ARHGAP30: variants seen among roughly 807,000 people sequenced by gnomAD.
The protein encoded by ARHGAP30 is rho GTPase-activating protein 30.
ARHGAP30 carries 23 observed loss-of-function variants against 72.0 expected under a neutral mutation model. The observed-to-expected ratio is 0.32, with a 90% CI of 0.23 to 0.45. ARHGAP30 has a LOEUF of 0.45. Ranked by LOEUF, ARHGAP30 falls within the 20% of genes least tolerant of loss-of-function variation. The pLI is 1.00. For missense variants in ARHGAP30, 1,319 were observed against 1,383.4 expected (o/e 0.95, Z 0.74); for synonymous variants, 576 against 528.2 (o/e 1.09, Z -1.24).
chr1:161,066,644 CAAAAAAAAAAAAAA>C (rs60662116), intron 1 of ARHGAP30, among the ~76,000 whole-genome samples: 2 of 75,084 alleles, frequency 2.7e-5, no homozygotes, highest in South Asian at 5.4e-4. Flanking sequence ...GACTGCATCT[CAAAAAAAAAAAAAA>C]AAAAAAAAAA....
chr1:161,062,987 T>C (rs1230581230), intron 1 of ARHGAP30, among the ~76,000 whole-genome samples: 1 of 152,072 alleles, frequency 6.6e-6, no homozygotes, highest in Non-Finnish European at 1.5e-5. Context: ...GCTAATTTTG[T>C]ATTTTTAGTA....
chr1:161,047,825 GA>G lies in ARHGAP30; in HGVS notation c.3195del (p.Ser1067ValfsTer37). On this transcript the variant is annotated frameshift_variant, in exon 12 of 12. Transcript: ENST00000368013. LOFTEE classifies it high-confidence loss of function. ...EGAEGSGSRS[R>X]LSLPPREPQV... ...TGGGGTTCTCTGGGGGGCAGACTAAGACGACTCCGGGATCCAGACCCTTCTG... is the reference window on the plus strand; with the variant it reads ...TGGGGTTCTCTGGGGGGCAGACTAAGCGACTCCGGGATCCAGACCCTTCTG... 4 of 1,610,446 alleles carry G rather than the reference GA, an allele frequency of 2.5e-6. No homozygotes were observed. Among genetic ancestry groups the G allele is most frequent in the Non-Finnish European group, 3.4e-6 (4 of 1,178,576 alleles).
intron 1 of ARHGAP30, among the ~76,000 whole-genome samples, chr1:161,064,202 T>C (rs1652522868): frequency 6.6e-6 from 1 of 152,250 alleles, no homozygotes; most frequent in African/African-American, 2.4e-5. Flanking sequence ...ATGTGTGATG[T>C]CTCCCCTGGA....
chr1:161,052,510 C>T lies in ARHGAP30; in HGVS notation c.870G>A (p.Arg290=), dbSNP rs1435967607. 4 of 1,613,860 alleles carry T rather than the reference C, an allele frequency of 2.5e-6. No individual in the cohort carries two copies. Among genetic ancestry groups the T allele is most frequent in the Non-Finnish European group, 3.4e-6 (4 of 1,180,024 alleles). The part of the protein sequence containing the change: ...RKGSLKVRKW[R]SIFNLGRSGH... Reference sequence around the variant, plus strand: ...CAGAGCGACCTAAATTGAAGATAGACCTCCACTTCCTGACCTTCAAAGACC... The same window carrying T: ...CAGAGCGACCTAAATTGAAGATAGATCTCCACTTCCTGACCTTCAAAGACC... Residue 290 remains arginine, a synonymous_variant, in exon 8 of 12, where the codon AGG becomes AGA. Coordinates refer to ENST00000368013, the MANE Select transcript of ARHGAP30 (RefSeq NM_001025598.2).
rs1314369535 is a variant in ARHGAP30 at position 161,051,368 on chromosome 1, G to A, written c.1366C>T (p.Pro456Ser). Reference sequence around the variant, plus strand: ...GGGCCAGGGCCAGAGGCAGGGCTTGGCCGGTGCTGTAGAGCAGGGCACTCA... The same window carrying A: ...GGGCCAGGGCCAGAGGCAGGGCTTGACCGGTGCTGTAGAGCAGGGCACTCA... ...GLECPALQHR[P>S]SPASGPGPGP... Residue 456 changes from proline to serine, a missense_variant, in exon 10 of 12, where the codon CCA becomes TCA. This residue lies in a region of ARHGAP30 where 1,097 missense variants were observed against 1,045.2 expected (regional missense o/e 1.05). Transcript: ENST00000368013. 7.4e-6 allele frequency: 12 copies of A among 1,613,322 alleles called. No individual in the cohort carries two copies. Among genetic ancestry groups the A allele is most frequent in the Non-Finnish European group, 9.3e-6 (11 of 1,179,858 alleles).
intron 9 of ARHGAP30, 58 bp from the exon 10 acceptor site, chr1:161,051,773 A>G: frequency 6.7e-7 from 1 of 1,487,226 alleles, no homozygotes; most frequent in Non-Finnish European, 8.9e-7. Context: ...GGGCCTAGAC[A>G]TCTCAAGAAG....
Position 161,049,481 on chromosome 1 carries a change from A to C in ARHGAP30, c.1629T>G (p.Pro543=). 1 of 1,613,936 alleles carries C rather than the reference A, an allele frequency of 6.2e-7. No homozygotes were observed. The highest frequency in any genetic ancestry group is 8.5e-7 in the Non-Finnish European group (1 of 1,179,990). The part of the protein sequence containing the change: ...QAEAAGAAFS[P]GEDDPGMGYL... ...AGCCCATCCCAGGGTCGTCCTCCCCAGGGGAGAAGGCTGCTCCTGCTGCTT... is the reference window on the plus strand; with the variant it reads ...AGCCCATCCCAGGGTCGTCCTCCCCCGGGGAGAAGGCTGCTCCTGCTGCTT... Residue 543 remains proline, a synonymous_variant, in exon 11 of 12, where the codon CCT becomes CCG. Coordinates refer to ENST00000368013, the MANE Select transcript of ARHGAP30 (RefSeq NM_001025598.2).
chr1:161,052,289 C>T lies in ARHGAP30; in HGVS notation c.1015G>A (p.Asp339Asn), dbSNP rs1250159212. 4 of 1,613,936 alleles carry T rather than the reference C, an allele frequency of 2.5e-6. No homozygotes were observed. Among genetic ancestry groups the T allele is most frequent in the Non-Finnish European group, 8.5e-7 (1 of 1,180,022 alleles). ...DSLSAAAGASDEPEGLVGPSS... is the reference protein window; with the variant it reads ...DSLSAAAGASNEPEGLVGPSS... ...AGAAATGCACCCCTATACTCACCATCACTGGCCCCAGCTGCAGCACTCAGT... is the reference window on the plus strand; with the variant it reads ...AGAAATGCACCCCTATACTCACCATTACTGGCCCCAGCTGCAGCACTCAGT... The change falls in exon 9 of 12, where the codon GAT becomes AAT. Residue 339 changes from aspartate to asparagine, a missense_variant. Asp to Asn is a conservative substitution (Grantham distance 23). Transcript: ENST00000368013.
At position 161,048,300 on chromosome 1, in the gene ARHGAP30, G is replaced by A. The variant is rs137873621; in HGVS notation, c.2721C>T (p.Asp907=). Residue 907 remains aspartate, a synonymous_variant, in exon 12 of 12, where the codon GAC becomes GAT. Transcript: ENST00000368013. ...EMEPEGQPSP[D]GCLCPCSLGL... ...CAAGAGAACAGGGGCATAGACAGCC[G>A]TCTGGACTGGGCTGCCCCTCAGGCT... 205 of 1,614,198 alleles carry A rather than the reference G, an allele frequency of 1.3e-4. No homozygotes were observed. Among genetic ancestry groups the A allele is most frequent in the Admixed American group, 8.0e-4 (48 of 60,026 alleles).
In ARHGAP30 at chr1:161,049,086, C is replaced by T; in HGVS notation, c.1935G>A (p.Leu645=). 6.2e-7 allele frequency: 1 copy of T among 1,614,152 alleles called. No homozygotes were observed. The highest frequency in any genetic ancestry group is 8.5e-7 in the Non-Finnish European group (1 of 1,179,986). The change falls in exon 12 of 12, where the codon CTG becomes CTA. Residue 645 remains leucine, a synonymous_variant. Coordinates refer to ENST00000368013, the MANE Select transcript of ARHGAP30 (RefSeq NM_001025598.2). The part of the protein sequence containing the change: ...GEAAGCGRQA[L]GQGGEEQACW... ...ATGCCTGCTCTTCCCCACCCTGTCC[C>T]AGAGCCTGCCTTCCACATCCTGCTG...
In ARHGAP30 at chr1:161,047,073, GT is replaced by G. The variant is rs1650892676; in HGVS notation, c.*641del. On this transcript the variant is annotated 3_prime_UTR_variant, in exon 12 of 12. Transcript: ENST00000368013. The stretch of plus-strand genomic sequence containing the variant: ...TTTCCCTTTCCTGAAATAGGAACAA[GT>G]TATTCCAAAGGAGAAAGGAGAGCCC... The G allele has an allele frequency of 4.5e-6, 2 of 446,202 alleles. No homozygotes were observed. Among genetic ancestry groups the G allele is most frequent in the Non-Finnish European group, 9.1e-6 (2 of 218,742 alleles). The allele number at this position is 446,202 out of a possible 1,614,324, so 27.6% of individuals were successfully genotyped here.
chr1:161,069,637 A>G lies in ARHGAP30; in HGVS notation c.-13T>C. 1 of 1,606,780 alleles carries G rather than the reference A, an allele frequency of 6.2e-7. No individual in the cohort carries two copies. The highest frequency in any genetic ancestry group is 8.5e-7 in the Non-Finnish European group (1 of 1,179,166). On this transcript the variant is annotated 5_prime_UTR_variant, in exon 1 of 12. Transcript: ENST00000368013. The surrounding 1 kb of genome is among the most constrained non-coding windows in gnomAD (Gnocchi z 4.9). ...GCCGAGACTTCATGGCCAGAGCCCC[A>G]GGGCACTGGCCCGGTCACCTCTATC... is the stretch of plus-strand genomic sequence containing the variant.
rs542220734 is a variant in ARHGAP30 at position 161,049,758 on chromosome 1, T to C, written c.1421-69A>G. Reference sequence around the variant, plus strand: ...TGACCCTTTTCAGTGTGAGTCCTCCTAGCATTGATATAGCAGGGGCCCAGC... The same window carrying C: ...TGACCCTTTTCAGTGTGAGTCCTCCCAGCATTGATATAGCAGGGGCCCAGC... On this transcript the variant is annotated intron_variant, in intron 10 of 11. Coordinates refer to ENST00000368013, the MANE Select transcript of ARHGAP30 (RefSeq NM_001025598.2). 12 of 1,548,154 alleles carry C rather than the reference T, an allele frequency of 7.8e-6. No homozygotes were observed. The Admixed American group carries it at 2.0e-4, about 26-fold the overall frequency.
At chr1:161,051,967 TCACCACCACCACCACCACCACCAC>T (rs1168517967) in intron 9 of ARHGAP30, among the ~76,000 whole-genome samples, 185 of 29,188 alleles carry the variant, frequency 6.3e-3, no homozygotes, top group East Asian at 0.021. Flanking sequence ...CTGGCCGTTG[TCACCACCACCACCACCACCACCAC>T]CACCACCACC....
At chr1:161,057,129 A>G (rs970608192) in intron 2 of ARHGAP30, among the ~76,000 whole-genome samples, 2 of 151,964 alleles carry the variant, frequency 1.3e-5, no homozygotes, top group Non-Finnish European at 1.5e-5. Context: ...AACTCTTGTA[A>G]TTCAATGACT....
chr1:161,047,789 G>A lies in ARHGAP30; in HGVS notation c.3232C>T (p.Pro1078Ser). The A allele has an allele frequency of 6.3e-7, 1 of 1,595,672 alleles. No individual in the cohort carries two copies. The highest frequency in any genetic ancestry group is 8.5e-7 in the Non-Finnish European group (1 of 1,172,718). The change falls in exon 12 of 12, where the codon CCC (proline) becomes TCC (serine). Residue 1078 changes from proline to serine, a missense_variant. Pro to Ser is a moderately conservative substitution (Grantham distance 74, BLOSUM62 -1). Around this residue, in one of 2 missense-constraint regions of ARHGAP30, gnomAD observed 1,097 missense variants for 1,045.2 expected, o/e 1.05. Transcript: ENST00000368013. Reference protein sequence around the residue: ...LPPREPQVPDPLLSSQRRSYA... With the variant: ...LPPREPQVPDSLLSSQRRSYA... ...GACCTGCGCTGAGAGGACAACAGGG[G>A]GTCAGGAACCTGGGGTTCTCTGGGG...
intron 2 of ARHGAP30, 48 bp from the exon 3 acceptor site, chr1:161,056,580 G>C (rs1651893576): frequency 6.3e-7 from 1 of 1,584,940 alleles, no homozygotes; most frequent in East Asian, 2.2e-5. Context: ...GGGGTGATGT[G>C]GGGAGAGGTG....
intron 1 of ARHGAP30, among the ~76,000 whole-genome samples, chr1:161,066,188 C>T (rs930153128): frequency 1.3e-5 from 2 of 150,882 alleles, no homozygotes; most frequent in Non-Finnish European, 2.9e-5. Context: ...CAACTCTCCT[C>T]ATACGACCTG....
Position 161,048,753 on chromosome 1 carries a change from T to C in ARHGAP30, c.2268A>G (p.Glu756=), listed in dbSNP as rs373072388. 71 of 1,613,912 alleles carry C rather than the reference T, an allele frequency of 4.4e-5. No individual in the cohort carries two copies. The highest frequency in any genetic ancestry group is 5.9e-5 in the Non-Finnish European group (70 of 1,180,018). ...CTTCTACCTGGGCTTCCTCTCTTTG[T>C]TCATCCTCTTCTCTCTCAATTTCTT... ...KEKEIEREED[E]QREEAQVEAG... The change falls in exon 12 of 12, where the codon GAA becomes GAG. Residue 756 remains glutamate (E), a synonymous_variant. Transcript: ENST00000368013.
Sources: gnomAD v4.1 joint callset for allele counts (sites outside exome capture counted in the v4.1 genomes callset) on GRCh38, gnomAD v4.1.1 for gene constraint, gnomAD v4.1.1 regional missense constraint, Gnocchi (gnomAD v3.1) non-coding constraint, MANE v1.5 for transcripts, NCBI Gene and HGNC (gene_info 2026-07-23, HGNC 2026-07-21) for gene names.